EDDM13: variants seen among roughly 807,000 people sequenced by gnomAD.
The protein encoded by EDDM13 is epididymal protein 13.
EDDM13 carries 24 observed loss-of-function variants against 17.8 expected under a neutral mutation model. That is an observed-to-expected ratio of 1.35 (90% CI 0.98 to 1.90). EDDM13 has a LOEUF of 1.90. Among genes scored for constraint, EDDM13 ranks in the 40% most tolerant of loss-of-function variants. The pLI, the probability that EDDM13 is intolerant of heterozygous loss-of-function variation, is 0.00. For missense variants in EDDM13, 97 were observed against 100.8 expected (o/e 0.96, Z 0.16); for synonymous variants, 31 against 37.5 (o/e 0.83, Z 0.63).
Position 56,281,698 on chromosome 19 carries a change from TG to T in EDDM13, c.109+1del. ...GGCTCTGCTGCCCCTTCCAGTCAAC[TG>T]TAAGTCATATCTCCTTCTCCCTACA... On this transcript the variant is annotated splice_donor_variant, in intron 3 of 14. Transcript: ENST00000649256. LOFTEE classifies it high-confidence loss of function. 1.0e-6 allele frequency: 1 copy of T among 985,396 alleles called. No individual in the cohort carries two copies. Among genetic ancestry groups the T allele is most frequent in the Non-Finnish European group, 1.2e-6 (1 of 829,900 alleles). The allele number at this position is 985,396 out of a possible 1,614,324, so 61.0% of individuals were successfully genotyped here. A position where few individuals can be genotyped will look rare whatever the true frequency, so the allele number is the denominator to read the frequency against.
intron 9 of EDDM13, among the ~76,000 whole-genome samples, chr19:56,292,455 T>C (rs1378811079): frequency 6.6e-6 from 1 of 151,760 alleles, no homozygotes; most frequent in Non-Finnish European, 1.5e-5. Context: ...TTGTCTGTTT[T>C]TACTTTTTTT....
chr19:56,302,574 T>C (rs2040373716), intron 13 of EDDM13, among the ~76,000 whole-genome samples: 1 of 54,362 alleles, frequency 1.8e-5, no homozygotes, highest in Non-Finnish European at 3.0e-5. Flanking sequence ...CTTCCTTTTC[T>C]TCCTCCCCCT....
intron 3 of EDDM13, among the ~76,000 whole-genome samples, chr19:56,282,123 A>G (rs1309832434): frequency 6.6e-6 from 1 of 152,124 alleles, no homozygotes; most frequent in Non-Finnish European, 1.5e-5. Context: ...AGGGTGGGTA[A>G]GACGTCTTCC....
intron 11 of EDDM13, among the ~76,000 whole-genome samples, chr19:56,297,212 C>T (rs1398020796): frequency 1.3e-5 from 2 of 152,144 alleles, no homozygotes; most frequent in African/African-American, 2.4e-5. Flanking sequence ...CCTGAGGCAG[C>T]TGAGTCCCTG....
chr19:56,309,685 G>C (rs1330496046), intron 14 of EDDM13, among the ~76,000 whole-genome samples: 1 of 152,286 alleles, frequency 6.6e-6, no homozygotes, highest in East Asian at 1.9e-4. Context: ...CACCAGGCTA[G>C]GGGGTGCAGC....
chr19:56,282,630 A>G, intron 4 of EDDM13, 131 bp downstream of exon 4: 1 of 357,812 alleles, frequency 2.8e-6, no homozygotes, highest in Non-Finnish European at 3.9e-6. Flanking sequence ...TAGCGGAACT[A>G]GTAAAACCAA....
At chr19:56,280,478 G>C (rs2038608181) in intron 2 of EDDM13, 1 of 151,698 alleles carries the variant, frequency 6.6e-6, no homozygotes, top group East Asian at 1.9e-4. Flanking sequence ...TATATCTGTA[G>C]GATTATACAT....
intron 13 of EDDM13, among the ~76,000 whole-genome samples, chr19:56,304,203 G>A (rs967067384): frequency 2.0e-5 from 3 of 152,198 alleles, no homozygotes; most frequent in African/African-American, 4.8e-5. Context: ...GGGACCTGGC[G>A]GTGCTCATGG....
chr19:56,295,885 T>C (rs10775569), intron 9 of EDDM13, 74 bp from the exon 10 acceptor site: 134,094 of 153,280 alleles, frequency 0.87, 59,024 homozygotes, highest in East Asian at 1. Flanking sequence ...GGGAACTCCA[T>C]ACTCTGGGCC....
chr19:56,286,382 A>C (rs575600884), intron 6 of EDDM13: 46 of 152,158 alleles, frequency 3.0e-4, no homozygotes, highest in African/African-American at 1.1e-3. Context: ...TTTTTCACAG[A>C]CGGACTGAAC....
chr19:56,296,358 G>A lies in EDDM13; in HGVS notation c.264G>A (p.Leu88=), dbSNP rs1487629192. The A allele has an allele frequency of 6.6e-6, 1 of 152,194 alleles. No individual in the cohort carries two copies. Among genetic ancestry groups the A allele is most frequent in the Non-Finnish European group, 1.5e-5 (1 of 68,076 alleles). 9.4% of individuals were successfully genotyped at this position (152,194 alleles called of 1,614,324 possible). ...KILGLLSLQV[L]HEETSGCKEE... ...TAGGCTTGCTGAGCCTCCAAGTACT[G>A]CATGGTAAGTCTGGTGACTGCTATT... The change falls in exon 11 of 15, where the codon CTG becomes CTA. Residue 88 remains leucine, a synonymous_variant. Coordinates refer to ENST00000649256, the MANE Select transcript of EDDM13 (RefSeq NM_001354658.2).
At chr19:56,300,835 T>C (rs1221708794) in intron 12 of EDDM13, among the ~76,000 whole-genome samples, 1 of 152,206 alleles carries the variant, frequency 6.6e-6, no homozygotes, top group Non-Finnish European at 1.5e-5. Context: ...AATGTAATAC[T>C]TTTAAAATAA....
chr19:56,294,678 T>C (rs1045485395), intron 9 of EDDM13, among the ~76,000 whole-genome samples: 2 of 152,104 alleles, frequency 1.3e-5, no homozygotes, highest in Admixed American at 1.3e-4. Flanking sequence ...AGACAACACA[T>C]TGTGAATGGG....
rs139138690 is a variant in EDDM13 at position 56,298,788 on chromosome 19, T to C, written c.295+1257T>C. Among the ~76,000 whole-genome samples the C allele has an allele frequency of 1.9e-3, 285 of 152,328 alleles. 2 individuals are homozygous for C. The highest frequency in any genetic ancestry group is 3.7e-3 in the Admixed American group (56 of 15,300). ...AGTGAATTAAAAGGAAGAAATCACATTGATCTTACAGGAAATCTTCCAGAA... is the reference window on the plus strand; with the variant it reads ...AGTGAATTAAAAGGAAGAAATCACACTGATCTTACAGGAAATCTTCCAGAA... On this transcript the variant is annotated intron_variant, in intron 12 of 14. Transcript: ENST00000649256.
At chr19:56,275,874 TTGGA>T (rs1170379976) in intron 1 of EDDM13, among the ~76,000 whole-genome samples, 1 of 152,094 alleles carries the variant, frequency 6.6e-6, no homozygotes, top group East Asian at 1.9e-4. Context: ...TGAATGTTGG[TTGGA>T]TGGATGATGA....
intron 9 of EDDM13, among the ~76,000 whole-genome samples, chr19:56,294,215 G>A (rs1391571643): frequency 1.3e-5 from 2 of 152,176 alleles, no homozygotes; most frequent in South Asian, 4.1e-4. Context: ...CCAAACACCT[G>A]CCTAAGGGCC....
Position 56,288,131 on chromosome 19 carries a change from G to C in EDDM13, c.155-254G>C, listed in dbSNP as rs375321373. Among the ~76,000 whole-genome samples the C allele has an allele frequency of 3.3e-5, 5 of 152,324 alleles. No homozygotes were observed. In the East Asian group the frequency reaches 9.7e-4, roughly 29 times the overall value. ...CCCAAATGGGTCCATGGTGTCCGCT[G>C]TTCTTAGGATGAAGGCTGAGGCCCT... On this transcript the variant is annotated intron_variant, in intron 6 of 14. Transcript: ENST00000649256.
intron 5 of EDDM13, among the ~76,000 whole-genome samples, chr19:56,284,489 T>C (rs2038953849): frequency 9.8e-6 from 1 of 101,550 alleles, no homozygotes; most frequent in Admixed American, 1.1e-4. Context: ...GAAATTAGAT[T>C]AGAGACAAGT....
intron 9 of EDDM13, among the ~76,000 whole-genome samples, chr19:56,294,888 A>G (rs2039755988): frequency 6.6e-6 from 1 of 152,254 alleles, no homozygotes; most frequent in Admixed American, 6.5e-5. Flanking sequence ...AAAAGCACAT[A>G]GGGTATGACT....
Sources: allele counts gnomAD v4.1 joint callset (sites outside exome capture counted in the v4.1 genomes callset), GRCh38; gene constraint gnomAD v4.1.1; transcripts MANE v1.5; gene names NCBI Gene and HGNC (gene_info 2026-07-23, HGNC 2026-07-21).